The following OPRM1 variants were observed in gnomAD, a reference collection of about 807,000 sequenced individuals.
OPRM1 encodes the protein opioid receptor mu 1.
Under a neutral mutation model 31.8 loss-of-function variants are expected in OPRM1, and 27 were observed. The observed-to-expected ratio is 0.85, with a 90% CI of 0.63 to 1.17. The LOEUF is 1.17. Among genes scored for constraint, OPRM1 ranks in the 50% most tolerant of loss-of-function variants. OPRM1 has a pLI of 0.00. For synonymous variants in OPRM1, 196 were observed against 189.9 expected (o/e 1.03, Z -0.26); for missense variants, 536 against 511.1 (o/e 1.05, Z -0.47).
At chr6:154,224,190 CA>C (rs1392690238) in intron 3 of OPRM1, among the ~76,000 whole-genome samples, 2 of 152,160 alleles carry the variant, frequency 1.3e-5, no homozygotes, top group African/African-American at 4.8e-5. Flanking sequence ...TTTGAAAATA[CA>C]ATCTTAATTT....
At chr6:154,036,788 G>A (rs1002802316), upstream of OPRM1, among the ~76,000 whole-genome samples, 10 of 150,954 alleles carry the variant, frequency 6.6e-5, no homozygotes, top group Middle Eastern at 0.01. Context: ...GCCATTATCT[G>A]GGTATAATGG....
At chr6:154,202,490 C>T (rs1583786077) in intron 3 of OPRM1, among the ~76,000 whole-genome samples, 1 of 152,190 alleles carries the variant, frequency 6.6e-6, no homozygotes, top group East Asian at 1.9e-4. Flanking sequence ...CTGACACGTT[C>T]CCCTATTGTG....
intron 3 of OPRM1, among the ~76,000 whole-genome samples, chr6:154,099,911 TATC>T (rs1025800133): frequency 6.9e-6 from 1 of 144,724 alleles, no homozygotes; most frequent in Non-Finnish European, 1.5e-5. Context: ...TTATGATATA[TATC>T]ATAACATGTA....
intron 1 of OPRM1, among the ~76,000 whole-genome samples, chr6:154,011,615 A>C (rs1039281721): frequency 6.6e-6 from 1 of 152,172 alleles, no homozygotes; most frequent in African/African-American, 2.4e-5. Context: ...ATGAATGTTC[A>C]AGAAAAAGTA....
intron 3 of OPRM1, among the ~76,000 whole-genome samples, chr6:154,219,537 C>T (rs1312377403): frequency 1.3e-5 from 2 of 152,146 alleles, no homozygotes; most frequent in African/African-American, 4.8e-5. Context: ...ACCTCACTAT[C>T]ACAGGGCTCC....
At chr6:154,143,913 C>T (rs1798288779) in intron 3 of OPRM1, among the ~76,000 whole-genome samples, 1 of 151,992 alleles carries the variant, frequency 6.6e-6, no homozygotes, top group South Asian at 2.1e-4. Context: ...AAATTGACAA[C>T]CCTCTAGCAA....
chr6:154,171,853 T>C (rs1472389440), intron 3 of OPRM1, among the ~76,000 whole-genome samples: 1 of 152,192 alleles, frequency 6.6e-6, no homozygotes, highest in Non-Finnish European at 1.5e-5. Context: ...CATGTCCTTT[T>C]ACTTTTTAAA....
At chr6:154,029,892 C>T (rs1428787319) in intron 1 of OPRM1, among the ~76,000 whole-genome samples, 2 of 152,178 alleles carry the variant, frequency 1.3e-5, no homozygotes, top group Non-Finnish European at 2.9e-5. Context: ...CCCCGTCTGC[C>T]ATGATTTTAA....
intron 1 of OPRM1, among the ~76,000 whole-genome samples, chr6:154,019,182 CTT>C (rs34786795): frequency 2.9e-4 from 37 of 126,850 alleles, no homozygotes; most frequent in Non-Finnish European, 4.2e-4. Flanking sequence ...CCCTGTTGTG[CTT>C]TTTTTTTTTT....
downstream of OPRM1, among the ~76,000 whole-genome samples, chr6:154,137,095 C>T (rs1798079742): frequency 6.6e-6 from 1 of 152,062 alleles, no homozygotes; most frequent in South Asian, 2.1e-4. Context: ...GGAAACCAAG[C>T]CTGAGAGATT....
Position 154,168,128 on chromosome 6 carries a change from A to C in OPRM1, c.1164+76656A>C, listed in dbSNP as rs202162275. On this transcript the variant is annotated intron_variant, in intron 3 of 3. Transcript: ENST00000337049. The surrounding 1 kb of genome is among the most constrained non-coding windows in gnomAD (Gnocchi z 4.1). ...TTTTGTCTCTTCTATTTGAAAAAAA[A>C]AAAGAAAGCAGTAACAATAAACCCA... 7.1e-5 allele frequency: 108 copies of C among 1,524,892 alleles called. No homozygotes were observed. In the African/African-American group the frequency reaches 1.4e-3, roughly 19 times the overall value. The allele number at this position is 1,524,892 out of a possible 1,614,324, so 94.5% of individuals were successfully genotyped here.
intron 3 of OPRM1, among the ~76,000 whole-genome samples, chr6:154,200,935 GA>G (rs1777018124): frequency 1.3e-5 from 2 of 152,106 alleles, no homozygotes; most frequent in African/African-American, 4.8e-5. Context: ...CCCACATGTC[GA>G]GGGAGGGACC....
At chr6:154,089,142 A>G (rs770406473) in intron 1 of OPRM1, among the ~76,000 whole-genome samples, 2 of 152,118 alleles carry the variant, frequency 1.3e-5, no homozygotes, top group Non-Finnish European at 2.9e-5. Context: ...TTGCACAATT[A>G]TACTTCTTGA....
intron 1 of OPRM1, among the ~76,000 whole-genome samples, chr6:154,046,026 A>G (rs1043399439): frequency 2.6e-5 from 4 of 152,182 alleles, no homozygotes; most frequent in African/African-American, 9.7e-5. Context: ...AAAATGGTTC[A>G]CCTTCACACA....
chr6:154,199,931 G>A (rs769289836), intron 3 of OPRM1: 28 of 1,614,176 alleles, frequency 1.7e-5, no homozygotes, highest in Non-Finnish European at 2.2e-5. Context: ...TCTCTCTTTA[G>A]ATAAGGAGGA....
At chr6:154,100,968 T>TCC (rs1322880075) in intron 3 of OPRM1, among the ~76,000 whole-genome samples, 2 of 149,554 alleles carry the variant, frequency 1.3e-5, no homozygotes, top group Non-Finnish European at 3.0e-5. Flanking sequence ...TATATAAAAT[T>TCC]CAAGTTTTCT....
At chr6:154,180,528 T>C (rs936372556) in intron 3 of OPRM1, among the ~76,000 whole-genome samples, 2 of 152,048 alleles carry the variant, frequency 1.3e-5, no homozygotes, top group Non-Finnish European at 2.9e-5. Flanking sequence ...ATGAATGTGC[T>C]GCTCCCTTCT....
intron 3 of OPRM1, among the ~76,000 whole-genome samples, chr6:154,245,614 G>A (rs959431822): frequency 2.0e-5 from 3 of 152,156 alleles, no homozygotes; most frequent in Admixed American, 6.5e-5. Context: ...GCATGCCCAC[G>A]TCATTTCACA....
At chr6:154,159,787 G>A (rs765546416) in intron 3 of OPRM1, 1 of 1,472,014 alleles carries the variant, frequency 6.8e-7, no homozygotes, top group Admixed American at 1.8e-5. Context: ...TTGAAGAGTT[G>A]CTTGTGATAA....
Sources: allele counts gnomAD v4.1 joint callset (sites outside exome capture counted in the v4.1 genomes callset), GRCh38; gene constraint gnomAD v4.1.1; non-coding constraint Gnocchi (gnomAD v3.1); transcripts MANE v1.5; gene names NCBI Gene and HGNC (gene_info 2026-07-23, HGNC 2026-07-21).